SPIDR: variants seen among roughly 807,000 people sequenced by gnomAD.
SPIDR encodes the protein scaffold protein involved in DNA repair.
A neutral mutation model predicts 104.6 loss-of-function variants in SPIDR; 93 were observed. That is an observed-to-expected ratio of 0.89 (90% confidence interval 0.75 to 1.06). The LOEUF (loss-of-function observed/expected upper bound fraction) is 1.06. Among genes scored for constraint, SPIDR ranks in the 50% least tolerant of loss-of-function variants. The pLI, the probability that SPIDR is intolerant of heterozygous loss-of-function variation, is 0.00. For synonymous variants in SPIDR, 431 were observed against 416.9 expected, an observed-to-expected ratio of 1.03 and a Z score of -0.41; for missense variants, 1,154 against 1,111.2, an observed-to-expected ratio of 1.04 and a Z score of -0.55.
chr8:47,467,408 A>C (rs1173347654), intron 8 of SPIDR, among the ~76,000 whole-genome samples: 3 of 152,184 alleles, frequency 2.0e-5, no homozygotes, highest in African/African-American at 7.2e-5. Context: ...CAGACACAAC[A>C]AAAAAGAAAA....
At chr8:47,695,164 A>G (rs965972571) in intron 11 of SPIDR, among the ~76,000 whole-genome samples, 1 of 152,140 alleles carries the variant, frequency 6.6e-6, no homozygotes, top group Admixed American at 6.5e-5. Flanking sequence ...AAGACTTGGC[A>G]GAAAACAGTT....
At chr8:47,674,533 C>T (rs186585419) in intron 11 of SPIDR, among the ~76,000 whole-genome samples, 74 of 152,182 alleles carry the variant, frequency 4.9e-4, no homozygotes, top group African/African-American at 1.7e-3. Flanking sequence ...TTTAATGGAA[C>T]TATCCAGTCA....
chr8:47,662,088 G>A (rs546638093), intron 10 of SPIDR, among the ~76,000 whole-genome samples: 24 of 152,276 alleles, frequency 1.6e-4, no homozygotes, highest in African/African-American at 3.9e-4. Context: ...CACCTCCTCC[G>A]AACCTCAGGC....
intron 5 of SPIDR, among the ~76,000 whole-genome samples, chr8:47,325,370 T>C (rs1487060268): frequency 2.0e-5 from 3 of 152,298 alleles, no homozygotes; most frequent in Non-Finnish European, 2.9e-5. Context: ...TCCACATTTC[T>C]GGGACAAGAG....
chr8:47,277,696 C>CA (rs1416191498), intron 1 of SPIDR, among the ~76,000 whole-genome samples: 1 of 122,640 alleles, frequency 8.2e-6, no homozygotes, highest in Non-Finnish European at 1.6e-5. Context: ...TTTTTTGAGA[C>CA]AGAGTCTCGC....
chr8:47,728,974 C>T lies in SPIDR; in HGVS notation c.2477C>T (p.Ser826Phe), dbSNP rs914686815. 1.1e-5 allele frequency: 18 copies of T among 1,613,832 alleles called. No homozygotes were observed. The highest frequency in any genetic ancestry group is 1.4e-5 in the Non-Finnish European group (17 of 1,180,044). The change falls in exon 18 of 20, where the codon TCT (serine) becomes TTT (phenylalanine). Residue 826 changes from serine to phenylalanine, a missense_variant. Ser to Phe is a radical substitution (Grantham distance 155). Transcript: ENST00000297423. ...SCGDCSRVVT[S>F]PVLKRHLQVF... ...GGGGACTGCTCCCGGGTGGTCACAT[C>T]TCCTGTTCTCAAGAGGCACCTGCAG...
chr8:47,664,793 G>A (rs2074669743), intron 10 of SPIDR, among the ~76,000 whole-genome samples: 1 of 150,686 alleles, frequency 6.6e-6, no homozygotes, highest in African/African-American at 2.4e-5. Flanking sequence ...GGACTTGGGA[G>A]GCCGCAGTGG....
intron 11 of SPIDR, among the ~76,000 whole-genome samples, chr8:47,694,282 C>T (rs1451880906): frequency 1.3e-5 from 2 of 152,150 alleles, no homozygotes; most frequent in African/African-American, 4.8e-5. Flanking sequence ...GAAATTATAT[C>T]TTAAAATACA....
intron 5 of SPIDR, among the ~76,000 whole-genome samples, chr8:47,311,850 C>T (rs2044227521): frequency 1.3e-5 from 2 of 152,104 alleles, no homozygotes; most frequent in South Asian, 4.1e-4. Context: ...GGTATACCTC[C>T]TAATGCTATC....
chr8:47,489,004 C>A (rs577074810), intron 8 of SPIDR, among the ~76,000 whole-genome samples: 9 of 152,098 alleles, frequency 5.9e-5, no homozygotes, highest in Non-Finnish European at 1.3e-4. Context: ...CTGGCCAGGG[C>A]AGTCAGGCAG....
chr8:47,425,082 G>A (rs1347741058), intron 7 of SPIDR, among the ~76,000 whole-genome samples: 1 of 152,174 alleles, frequency 6.6e-6, no homozygotes, highest in Non-Finnish European at 1.5e-5. Flanking sequence ...TAGAGGGTAA[G>A]CAACCAAGTA....
At position 47,727,252 on chromosome 8, in the gene SPIDR, C is replaced by T; in HGVS notation, c.2394C>T (p.Asp798=). 6.2e-7 allele frequency: 1 copy of T among 1,614,086 alleles called. No homozygotes were observed. Among genetic ancestry groups the T allele is most frequent in the South Asian group, 1.1e-5 (1 of 91,074 alleles). ...CTGCTTTCTCATGGCCTGTGTGTGA[C>T]ATGTGTGGCAACGGGAGATTGGAAC... The part of the protein sequence containing the change: ...ESTAFSWPVC[D]MCGNGRLEQR... Residue 798 remains aspartate, a synonymous_variant, in exon 17 of 20, where the codon GAC becomes GAT. Coordinates refer to ENST00000297423, the MANE Select transcript of SPIDR (RefSeq NM_001080394.4).
chr8:47,709,608 C>T (rs1426348482), intron 14 of SPIDR, among the ~76,000 whole-genome samples: 1 of 152,194 alleles, frequency 6.6e-6, no homozygotes, highest in African/African-American at 2.4e-5. Context: ...AAACTTTTAG[C>T]AATGTAGTGG....
At chr8:47,310,115 C>T (rs893189272) in intron 5 of SPIDR, among the ~76,000 whole-genome samples, 10 of 151,570 alleles carry the variant, frequency 6.6e-5, no homozygotes, top group African/African-American at 2.4e-4. Flanking sequence ...AGGCAGATCA[C>T]GAGGTCAGGA....
intron 16 of SPIDR, among the ~76,000 whole-genome samples, chr8:47,724,817 C>T (rs938980818): frequency 1.3e-5 from 2 of 152,178 alleles, no homozygotes; most frequent in South Asian, 2.1e-4. Flanking sequence ...AAGGCCTCCT[C>T]GTCTCTATTC....
chr8:47,479,374 A>C (rs895015072), intron 8 of SPIDR, among the ~76,000 whole-genome samples: 4 of 152,060 alleles, frequency 2.6e-5, no homozygotes, highest in Middle Eastern at 3.4e-3. Flanking sequence ...AAAAAAAAGA[A>C]AGAAAGGAAA....
intron 7 of SPIDR, among the ~76,000 whole-genome samples, chr8:47,425,931 G>C (rs141207836): frequency 6.6e-6 from 1 of 151,968 alleles, no homozygotes; most frequent in South Asian, 2.1e-4. Context: ...GAAGGTACCC[G>C]TATTACTACC....
intron 8 of SPIDR, among the ~76,000 whole-genome samples, chr8:47,565,677 C>G (rs1452592010): frequency 6.6e-6 from 1 of 151,048 alleles, no homozygotes; most frequent in East Asian, 1.9e-4. Context: ...TTAAATTAGC[C>G]ATGCCATTTT....
Position 47,698,824 on chromosome 8 carries a change from C to T in SPIDR, c.1686-1579C>T, listed in dbSNP as rs201569867. 2.0e-5 allele frequency among the ~76,000 whole-genome samples: 3 copies of T among 152,304 alleles called. No individual in the cohort carries two copies. In the East Asian group the frequency reaches 5.8e-4, roughly 29 times the overall value. The stretch of plus-strand genomic sequence containing the variant: ...GCCTTTTACACGGGGCTCTCTAGGC[C>T]CTCTGCCATGTCCAGTCCCACTGTA... On this transcript the variant is annotated intron_variant, in intron 11 of 19. Coordinates refer to ENST00000297423, the MANE Select transcript of SPIDR (RefSeq NM_001080394.4).
Sources: allele counts gnomAD v4.1 joint callset (sites outside exome capture counted in the v4.1 genomes callset), GRCh38; gene constraint gnomAD v4.1.1; transcripts MANE v1.5; gene names NCBI Gene and HGNC (gene_info 2026-07-23, HGNC 2026-07-21).